Variants in EBNA1BP2 observed in about 807,000 individuals in gnomAD.
The protein encoded by EBNA1BP2 is probable rRNA-processing protein EBP2.
In EBNA1BP2, 36 loss-of-function variants were observed where a neutral mutation model predicts 43.5. The ratio of observed to expected loss-of-function variants is 0.83; its 90% CI spans 0.63 to 1.09. The LOEUF (loss-of-function observed/expected upper bound fraction) is 1.09, where lower values mean the gene tolerates loss of function less well. Ranked by LOEUF, EBNA1BP2 falls within the 50% of genes least tolerant of loss-of-function variation. The pLI is 0.00. For synonymous variants in EBNA1BP2, 127 were observed against 141.3 expected (o/e 0.90, Z 0.72); for missense variants, 332 against 379.1 (o/e 0.88, Z 1.03).
At chr1:43,168,867 A>G in intron 5 of EBNA1BP2, 72 bp downstream of exon 5, 3 of 1,486,836 alleles carry the variant, frequency 2.0e-6, no homozygotes, top group Non-Finnish European at 2.8e-6. Context: ...TCAGGGGACC[A>G]AGTCAGACCA....
intron 5 of EBNA1BP2, 139 bp from the exon 6 acceptor site, chr1:43,167,374 A>G: frequency 2.7e-6 from 2 of 748,994 alleles, no homozygotes; most frequent in South Asian, 3.1e-5. Context: ...TAGGGACTCT[A>G]AGTATATTCT....
chr1:43,171,963 C>A lies in EBNA1BP2; in HGVS notation c.73G>T (p.Asp25Tyr). ...ESLVTDRELQ[D>Y]AFSRGLLKPG... ...TTCAGAAGCCCTCGGGAAAACGCAT[C>A]CTGCAACTGCAGGACACAATCACGG... Residue 25 changes from aspartate (D) to tyrosine (Y), a missense_variant, in exon 2 of 9, where the codon GAT (aspartate) becomes TAT (tyrosine). This residue lies in a region of EBNA1BP2 where 182 missense variants were observed against 173.7 expected (regional missense o/e 1.05). Transcript: ENST00000236051. The A allele has an allele frequency of 1.2e-6, 2 of 1,614,202 alleles. No homozygotes were observed. The highest frequency in any genetic ancestry group is 2.2e-5 in the South Asian group (2 of 91,080).
At position 43,166,905 on chromosome 1, in the gene EBNA1BP2, G is replaced by A. The variant is rs754531371; in HGVS notation, c.628C>T (p.Leu210=). 1 of 1,612,632 alleles carries A rather than the reference G, an allele frequency of 6.2e-7. No individual in the cohort carries two copies. The highest frequency in any genetic ancestry group is 1.1e-5 in the South Asian group (1 of 90,704). Residue 210 remains leucine, a synonymous_variant, in exon 7 of 9, where the codon CTG becomes TTG. Transcript: ENST00000236051. ...TTCTGATCTCCCTCAAGGAAATCCA[G>A]TTTATCAGAGAAGCCTGTAAGTGAA... ...KKYQKGFSDK[L]DFLEGDQKPL...
intron 7 of EBNA1BP2, among the ~76,000 whole-genome samples, chr1:43,165,717 C>T (rs1299436754): frequency 3.9e-5 from 6 of 152,186 alleles, no homozygotes; most frequent in South Asian, 2.1e-4. Context: ...CAGCCCAGGT[C>T]CCCCCAAACA....
chr1:43,170,836 G>C lies in EBNA1BP2; in HGVS notation c.367C>G (p.Leu123Val). Residue 123 changes from leucine to valine, a missense_variant, in exon 4 of 9, where the codon CTC becomes GTC. Leu to Val is a conservative substitution (Grantham distance 32, BLOSUM62 1). Around this residue, in one of 3 missense-constraint regions of EBNA1BP2, gnomAD observed 182 missense variants for 173.7 expected, o/e 1.05. Transcript: ENST00000236051. ...QAAVLAVLPR[L>V]HQLKVPTKRP... Reference sequence around the variant, plus strand: ...TTCGTAGGGACTTTGAGCTGATGGAGGCGGGGTAAGACTGCAAGCACTGCG... The same window carrying C: ...TTCGTAGGGACTTTGAGCTGATGGACGCGGGGTAAGACTGCAAGCACTGCG... The C allele has an allele frequency of 8.1e-6, 13 of 1,604,752 alleles. No homozygotes were observed. The highest frequency in any genetic ancestry group is 1.0e-5 in the Non-Finnish European group (12 of 1,176,298).
intron 5 of EBNA1BP2, 70 bp downstream of exon 5, chr1:43,168,869 G>C: frequency 6.6e-7 from 1 of 1,508,338 alleles, no homozygotes; most frequent in Non-Finnish European, 9.2e-7. Flanking sequence ...AGGGGACCAA[G>C]TCAGACCACG....
At chr1:43,167,757 A>G (rs1035213375) in intron 5 of EBNA1BP2, among the ~76,000 whole-genome samples, 2 of 152,226 alleles carry the variant, frequency 1.3e-5, no homozygotes, top group Non-Finnish European at 2.9e-5. Flanking sequence ...GAGACACTTT[A>G]TAATACTCTA....
At chr1:43,172,453 G>T, upstream of EBNA1BP2, 8 of 1,546,208 alleles carry the variant, frequency 5.2e-6, no homozygotes, top group Non-Finnish European at 7.0e-6. Flanking sequence ...AGAAACGAAA[G>T]GTGGGAGGGG....
intron 7 of EBNA1BP2, 61 bp from the exon 8 acceptor site, chr1:43,164,866 C>G: frequency 2.5e-6 from 4 of 1,582,992 alleles, no homozygotes; most frequent in South Asian, 1.2e-5. Context: ...ACCTGATGGC[C>G]CAGCAATGCT....
intron 5 of EBNA1BP2, 101 bp from the exon 6 acceptor site, chr1:43,167,336 G>T: frequency 8.8e-7 from 1 of 1,131,802 alleles, no homozygotes; most frequent in Non-Finnish European, 1.3e-6. Context: ...ACTACCCTCT[G>T]ACATTTACTA....
At position 43,164,188 on chromosome 1, in the gene EBNA1BP2, T is replaced by G. The variant is rs1162946199; in HGVS notation, c.*255A>C. The G allele has an allele frequency of 1.4e-5, 7 of 503,046 alleles. No homozygotes were observed. Among genetic ancestry groups the G allele is most frequent in the Non-Finnish European group, 2.1e-5 (6 of 279,810 alleles). The allele number at this position is 503,046 out of a possible 1,614,324, so 31.2% of individuals were successfully genotyped here. Reference sequence around the variant, plus strand: ...GACAAAGGAAATGAGAAGGTGTCAGTTAAATCATTATTTATCATAAAATGA... The same window carrying G: ...GACAAAGGAAATGAGAAGGTGTCAGGTAAATCATTATTTATCATAAAATGA... On this transcript the variant is annotated 3_prime_UTR_variant, in exon 9 of 9. Coordinates refer to ENST00000236051, the MANE Select transcript of EBNA1BP2 (RefSeq NM_006824.3).
In EBNA1BP2 at chr1:43,167,155, C is replaced by T; in HGVS notation, c.613+5G>A. Reference sequence around the variant, plus strand: ...CCCTCGTTCCCCTATTAGAGATGTACCAACCTTTCTGATATTTCTTAATAG... The same window carrying T: ...CCCTCGTTCCCCTATTAGAGATGTATCAACCTTTCTGATATTTCTTAATAG... On this transcript the variant is annotated splice_donor_5th_base_variant and intron_variant, in intron 6 of 8. Coordinates refer to ENST00000236051, the MANE Select transcript of EBNA1BP2 (RefSeq NM_006824.3). 4 of 1,613,606 alleles carry T rather than the reference C, an allele frequency of 2.5e-6. No individual in the cohort carries two copies. The highest frequency in any genetic ancestry group is 3.4e-6 in the Non-Finnish European group (4 of 1,179,568).
At chr1:43,164,586 T>A (rs1644905946) in intron 8 of EBNA1BP2, 57 bp downstream of exon 8, 3 of 1,613,860 alleles carry the variant, frequency 1.9e-6, no homozygotes, top group Non-Finnish European at 2.5e-6. Context: ...AGGGCAGGGT[T>A]GGGAGTGGGA....
At chr1:43,169,733 G>A (rs1380875462) in intron 4 of EBNA1BP2, among the ~76,000 whole-genome samples, 2 of 152,142 alleles carry the variant, frequency 1.3e-5, no homozygotes, top group East Asian at 3.9e-4. Flanking sequence ...CCAGGCCACA[G>A]ACCGCTACGA....
rs1222531187 is a variant in EBNA1BP2, at chr1:43,172,103, G to A, written c.16C>T (p.Leu6Phe). The A allele has an allele frequency of 6.2e-7, 1 of 1,614,168 alleles. No individual in the cohort carries two copies. Among genetic ancestry groups the A allele is most frequent in the South Asian group, 1.1e-5 (1 of 91,086 alleles). The change falls in exon 1 of 9, where the codon CTC becomes TTC. Residue 6 changes from leucine (L) to phenylalanine (F), a missense_variant. This residue lies in a region of EBNA1BP2 where 182 missense variants were observed against 173.7 expected (regional missense o/e 1.05). Transcript: ENST00000236051. MDTPP[L>F]SDSESESDES... ...TCGGATTCCGACTCCGAATCCGAGAGCGGGGGAGTGTCCATCTCGCCGCAC... is the reference window on the plus strand; with the variant it reads ...TCGGATTCCGACTCCGAATCCGAGAACGGGGGAGTGTCCATCTCGCCGCAC...
rs1691289 is a variant in EBNA1BP2, at chr1:43,171,878, A to G, written c.150+8T>C. The G allele has an allele frequency of 0.24, 384,227 of 1,613,286 alleles. 48,451 individuals are homozygous for G. Among genetic ancestry groups the G allele is most frequent in the Middle Eastern group, 0.28 (1,643 of 5,956 alleles). On this transcript the variant is annotated splice_region_variant and intron_variant, in intron 2 of 8. Coordinates refer to ENST00000236051, the MANE Select transcript of EBNA1BP2 (RefSeq NM_006824.3). ...TCCGAGTACCCCCGACCCTGTGCCC[A>G]CGCTCACCACGTCGTTCACGGCCTT... is the stretch of plus-strand genomic sequence containing the variant.
At chr1:43,167,364 T>C in intron 5 of EBNA1BP2, 129 bp from the exon 6 acceptor site, 2 of 804,778 alleles carry the variant, frequency 2.5e-6, no homozygotes, top group Non-Finnish European at 4.2e-6. Context: ...AAAACTGTGT[T>C]AGGGACTCTA....
At chr1:43,169,111 A>G in intron 4 of EBNA1BP2, 83 bp from the exon 5 acceptor site, 3 of 1,381,122 alleles carry the variant, frequency 2.2e-6, no homozygotes, top group Middle Eastern at 1.8e-4. Flanking sequence ...GGGAACAGAT[A>G]TTCCCTGTTC....
rs894559696 is a variant in EBNA1BP2 at position 43,172,281 on chromosome 1, G to T, written c.-163C>A. The T allele has an allele frequency of 6.9e-5, 107 of 1,552,472 alleles. No homozygotes were observed. The highest frequency in any genetic ancestry group is 8.5e-5 in the Non-Finnish European group (97 of 1,147,370). On this transcript the variant is annotated 5_prime_UTR_variant, in exon 1 of 9. The change creates a new upstream start codon in the 5' untranslated region. Coordinates refer to ENST00000236051, the MANE Select transcript of EBNA1BP2 (RefSeq NM_006824.3). Reference sequence around the variant, plus strand: ...ATCGCTCCAGCGCCAGCAACTCACAGCTACTGCTCAACTTTTGATTGGGAC... The same window carrying T: ...ATCGCTCCAGCGCCAGCAACTCACATCTACTGCTCAACTTTTGATTGGGAC...
Sources: allele counts gnomAD v4.1 joint callset (sites outside exome capture counted in the v4.1 genomes callset), GRCh38; gene constraint gnomAD v4.1.1; regional missense constraint gnomAD v4.1.1; transcripts MANE v1.5; gene names NCBI Gene and HGNC (gene_info 2026-07-23, HGNC 2026-07-21).